The following ELMO1 variants were observed in gnomAD, a reference collection of about 807,000 sequenced individuals.
ELMO1 encodes engulfment and cell motility 1.
In ELMO1, 26 loss-of-function variants were observed where a neutral mutation model predicts 98.9. The ratio of observed to expected loss-of-function variants is 0.26; its 90% CI spans 0.19 to 0.36. The LOEUF (loss-of-function observed/expected upper bound fraction) is 0.36. Among genes scored for constraint, ELMO1 ranks in the 10% least tolerant of loss-of-function variants. ELMO1 has a pLI of 1.00. For synonymous variants in ELMO1, 346 were observed against 346.0 expected (o/e 1.00, Z 0.00); for missense variants, 627 against 935.2 (o/e 0.67, Z 4.30).
rs1442937298 is a variant in ELMO1, at chr7:36,854,511, G to A, written c.*1040C>T. The A allele has an allele frequency of 7.3e-6, 1 of 137,892 alleles. No individual in the cohort carries two copies. The highest frequency in any genetic ancestry group is 1.5e-5 in the Non-Finnish European group (1 of 64,782). The allele number at this position is 137,892 out of a possible 1,614,324, so 8.5% of individuals were successfully genotyped here. On this transcript the variant is annotated 3_prime_UTR_variant, in exon 22 of 22. Transcript: ENST00000310758. ...AATATATATCTGTTTGGCAAAAAAT[G>A]TTAGACTCTTTTGTACAAAAACAAA...
chr7:37,154,788 A>G (rs1788619744), intron 13 of ELMO1, among the ~76,000 whole-genome samples: 1 of 152,212 alleles, frequency 6.6e-6, no homozygotes. Flanking sequence ...GCAGGCCAAC[A>G]TTCAAATTCA....
intron 15 of ELMO1, chr7:37,033,523 T>C (rs1174721254): frequency 2.5e-6 from 1 of 399,458 alleles, no homozygotes; most frequent in South Asian, 1.8e-5. Context: ...AAACAGACAC[T>C]GGATTATAAC....
At position 36,852,970 on chromosome 7, in the gene ELMO1, GACA is replaced by G. The variant is rs1215543719; in HGVS notation, c.*2578_*2580del. Among the ~76,000 whole-genome samples, 1 of 152,194 alleles carries G rather than the reference GACA, an allele frequency of 6.6e-6. No homozygotes were observed. Among genetic ancestry groups the G allele is most frequent in the Non-Finnish European group, 1.5e-5 (1 of 68,032 alleles). ...TAGCAGAATGCAACTTGGACTTCAC[GACA>G]ACATCAGTCTTCCTACTTTACTTCT... On this transcript the variant is annotated 3_prime_UTR_variant, in exon 22 of 22. Coordinates refer to ENST00000310758, the MANE Select transcript of ELMO1 (RefSeq NM_014800.11).
chr7:37,247,048 CATCAT>C (rs904020846), intron 6 of ELMO1, among the ~76,000 whole-genome samples: 17 of 152,280 alleles, frequency 1.1e-4, no homozygotes, highest in African/African-American at 2.4e-4. Context: ...TGCCTAGTTT[CATCAT>C]ATCATATGAG....
Position 37,213,413 on chromosome 7 carries a change from G to A in ELMO1, c.876C>T (p.His292=), listed in dbSNP as rs754678003. 6.2e-7 allele frequency: 1 copy of A among 1,612,530 alleles called. No homozygotes were observed. Among genetic ancestry groups the A allele is most frequent in the Non-Finnish European group, 8.5e-7 (1 of 1,179,776 alleles). The change falls in exon 12 of 22, where the codon CAC becomes CAT. Residue 292 remains histidine, a synonymous_variant. Coordinates refer to ENST00000310758, the MANE Select transcript of ELMO1 (RefSeq NM_014800.11). ...AQRAINNEMA[H]QLYVLQVLTF... is the part of the protein sequence containing the mutation. ...TGAGCACTTGTAGAACATACAGCTG[G>A]TGCGCCATCTCATTGTTGATGGCCC...
Position 36,939,715 on chromosome 7 carries a change from A to T in ELMO1, c.1438-44698T>A, listed in dbSNP as rs539319227. On this transcript the variant is annotated intron_variant, in intron 16 of 21. Coordinates refer to ENST00000310758, the MANE Select transcript of ELMO1 (RefSeq NM_014800.11). Reference sequence around the variant, plus strand: ...TCCCTGGGATGGCGGGGGGTGCCCCACTCTCAGAAAGCCAGGCCGACAAGG... The same window carrying T: ...TCCCTGGGATGGCGGGGGGTGCCCCTCTCTCAGAAAGCCAGGCCGACAAGG... Among the ~76,000 whole-genome samples the T allele has an allele frequency of 1.4e-3, 206 of 152,266 alleles. 1 individual carries two copies. The highest frequency in any genetic ancestry group is 9.0e-4 in the Non-Finnish European group (61 of 67,994).
chr7:37,007,796 T>A (rs115171833), intron 16 of ELMO1, among the ~76,000 whole-genome samples: 4 of 152,168 alleles, frequency 2.6e-5, no homozygotes, highest in Non-Finnish European at 5.9e-5. Context: ...CTATGAATAA[T>A]CTTCATAGGA....
At chr7:36,866,995 T>A (rs918378632) in intron 20 of ELMO1, among the ~76,000 whole-genome samples, 1 of 152,150 alleles carries the variant, frequency 6.6e-6, no homozygotes, top group Non-Finnish European at 1.5e-5. Context: ...ACTAGTAACA[T>A]TGCAAGACAA....
intron 16 of ELMO1, among the ~76,000 whole-genome samples, chr7:37,005,609 T>C (rs530230100): frequency 2.0e-5 from 3 of 148,392 alleles, no homozygotes; most frequent in African/African-American, 5.0e-5. Context: ...GGAGAATCAC[T>C]TGAATTCAGG....
chr7:37,243,000 A>G (rs905656380), intron 7 of ELMO1, among the ~76,000 whole-genome samples: 5 of 152,182 alleles, frequency 3.3e-5, no homozygotes, highest in African/African-American at 4.8e-5. Flanking sequence ...CAGTGCCTTC[A>G]TATAGTTGGT....
intron 21 of ELMO1, among the ~76,000 whole-genome samples, chr7:36,856,954 G>A (rs527620314): frequency 6.6e-6 from 1 of 152,318 alleles, no homozygotes; most frequent in South Asian, 2.1e-4. Flanking sequence ...TATCTGGACT[G>A]TATTCCATGG....
At chr7:37,080,683 C>T (rs1797825203) in intron 15 of ELMO1, among the ~76,000 whole-genome samples, 1 of 145,830 alleles carries the variant, frequency 6.9e-6, no homozygotes, top group South Asian at 2.2e-4. Context: ...GAACTTCTGA[C>T]CTCGTGATCC....
chr7:37,333,416 T>G (rs866530243), intron 2 of ELMO1, among the ~76,000 whole-genome samples: 5 of 152,074 alleles, frequency 3.3e-5, no homozygotes, highest in African/African-American at 1.2e-4. Flanking sequence ...AGAGTGGCAG[T>G]GTTGTGGAAG....
chr7:37,375,763 G>A (rs1802313796), intron 1 of ELMO1: 2 of 1,090,020 alleles, frequency 1.8e-6, no homozygotes, highest in Non-Finnish European at 1.4e-6. Flanking sequence ...GTATCTCAGT[G>A]ATTACCTTCA....
intron 16 of ELMO1, among the ~76,000 whole-genome samples, chr7:36,981,929 G>A (rs1791086200): frequency 1.3e-5 from 2 of 152,156 alleles, no homozygotes; most frequent in Admixed American, 6.5e-5. Flanking sequence ...AAGGTGCTGT[G>A]GTATGATGAT....
At chr7:36,893,183 A>C (rs191217547) in intron 17 of ELMO1, among the ~76,000 whole-genome samples, 7 of 152,332 alleles carry the variant, frequency 4.6e-5, no homozygotes, top group African/African-American at 1.7e-4. Context: ...TATGGAAAGC[A>C]TAATAAAGTG....
chr7:37,080,098 T>C (rs180958019), intron 15 of ELMO1, among the ~76,000 whole-genome samples: 2 of 152,286 alleles, frequency 1.3e-5, no homozygotes, highest in Admixed American at 1.3e-4. Context: ...CCTTCACTCC[T>C]CTTATTCCCC....
At chr7:37,131,933 G>A (rs1786948435) in intron 14 of ELMO1, among the ~76,000 whole-genome samples, 1 of 152,178 alleles carries the variant, frequency 6.6e-6, no homozygotes, top group Admixed American at 6.5e-5. Flanking sequence ...TATTCAAGGA[G>A]GTCACTGCTG....
intron 6 of ELMO1, among the ~76,000 whole-genome samples, chr7:37,254,681 C>A (rs1795544548): frequency 6.6e-6 from 1 of 152,180 alleles, no homozygotes; most frequent in Non-Finnish European, 1.5e-5. Context: ...AATGGCACAA[C>A]TGTATAGGGC....
Sources: gnomAD v4.1 joint callset for allele counts (sites outside exome capture counted in the v4.1 genomes callset) on GRCh38, gnomAD v4.1.1 for gene constraint, MANE v1.5 for transcripts, NCBI Gene and HGNC (gene_info 2026-07-23, HGNC 2026-07-21) for gene names.